The following PEG3 variants were observed in gnomAD, a reference collection of about 807,000 sequenced individuals.
PEG3 encodes paternally expressed 3, also known as paternally-expressed gene 3 protein.
Under a neutral mutation model 35.5 loss-of-function variants are expected in PEG3, and 23 were observed. The observed-to-expected ratio is 0.65, with a 90% CI of 0.47 to 0.92. The LOEUF is 0.92. PEG3 is among the 40% of genes least tolerant of loss of function. The pLI is 0.00. For missense variants in PEG3, 1,960 were observed against 1,985.3 expected (o/e 0.99, Z 0.24); for synonymous variants, 707 against 697.0 (o/e 1.01, Z -0.23).
intron 2 of PEG3, among the ~76,000 whole-genome samples, chr19:56,830,551 C>T (rs1358518012): frequency 2.0e-5 from 3 of 152,204 alleles, no homozygotes; most frequent in Non-Finnish European, 4.4e-5. Flanking sequence ...ACAGCTATAC[C>T]ACAACTACAA....
intron 2 of PEG3, among the ~76,000 whole-genome samples, chr19:56,826,829 C>G (rs994387965): frequency 3.3e-5 from 5 of 152,282 alleles, no homozygotes; most frequent in African/African-American, 9.6e-5. Flanking sequence ...ATCTGAGGCA[C>G]AGAGAGATAA....
intron 5 of PEG3, among the ~76,000 whole-genome samples, chr19:56,823,287 C>T (rs1344217891): frequency 6.6e-6 from 1 of 152,228 alleles, no homozygotes; most frequent in Non-Finnish European, 1.5e-5. Context: ...CTCACTGAAG[C>T]ATCTTTAATG....
intron 3 of PEG3, among the ~76,000 whole-genome samples, chr19:56,825,516 A>G (rs1420867760): frequency 6.6e-6 from 1 of 151,868 alleles, no homozygotes; most frequent in Non-Finnish European, 1.5e-5. Flanking sequence ...GCCCCCTTCC[A>G]TTTTTTAAAC....
rs866925840 is a variant in PEG3, at chr19:56,817,011, C to T, written c.1431G>A (p.Glu477=). ...AGGACTCACCATACTCATAGAGGTT[C>T]TCTCTAGTATGCATGATCTGGTGCT... is the stretch of plus-strand genomic sequence containing the variant. ...FVEHQIMHTR[E]NLYEYGESFI... Residue 477 remains glutamate, a synonymous_variant, in exon 10 of 10, where the codon GAG becomes GAA. Transcript: ENST00000326441. The T allele has an allele frequency of 1.2e-6, 2 of 1,613,910 alleles. No homozygotes were observed. The highest frequency in any genetic ancestry group is 1.1e-5 in the South Asian group (1 of 91,082).
In PEG3 at chr19:56,810,675, A is replaced by C. The variant is rs775519479; in HGVS notation, c.*3000T>G. ...ATTTAACCAAATTCCCACAATGACA[A>C]CACTATTTTAGTTATTTTCCACATC... is the stretch of plus-strand genomic sequence containing the variant. On this transcript the variant is annotated 3_prime_UTR_variant, in exon 10 of 10. Transcript: ENST00000326441. 9 of 969,752 alleles carry C rather than the reference A, an allele frequency of 9.3e-6. No individual in the cohort carries two copies. Among genetic ancestry groups the C allele is most frequent in the Non-Finnish European group, 9.8e-6 (8 of 815,668 alleles). 60.1% of individuals were successfully genotyped at this position (969,752 alleles called of 1,614,324 possible).
intron 8 of PEG3, 57 bp downstream of exon 8, chr19:56,818,543 G>C: frequency 6.3e-7 from 1 of 1,581,644 alleles, no homozygotes; most frequent in South Asian, 1.1e-5. Context: ...AAAGGAGCAA[G>C]ATGACAAAAT....
chr19:56,815,361 C>G lies in PEG3; in HGVS notation c.3081G>C (p.Glu1027Asp), dbSNP rs762269494. The change falls in exon 10 of 10, where the codon GAG (glutamate) becomes GAC (aspartate). Residue 1027 changes from glutamate (E) to aspartate (D), a missense_variant. Transcript: ENST00000326441. ...TSYAQEQYAKEQARNKCKDFR... is the reference protein window; with the variant it reads ...TSYAQEQYAKDQARNKCKDFR... ...AGTCCTTACATTTGTTCCGCGCTTG[C>G]TCTTTAGCATACTGCTCTTGGGCGT... 1 of 1,614,094 alleles carries G rather than the reference C, an allele frequency of 6.2e-7. No individual in the cohort carries two copies. The highest frequency in any genetic ancestry group is 1.7e-5 in the Admixed American group (1 of 60,006).
At chr19:56,836,857 A>T (rs2146659551) in intron 1 of PEG3, among the ~76,000 whole-genome samples, 1 of 151,484 alleles carries the variant, frequency 6.6e-6, no homozygotes, top group Non-Finnish European at 1.5e-5. Flanking sequence ...ATTCCCAGCT[A>T]CTCTGAAGAG....
Position 56,813,090 on chromosome 19 carries a change from A to T in PEG3, c.*585T>A, listed in dbSNP as rs1035016711. ...ACAAGACTATTTAAGGGTAAGAAAC[A>T]AAACAATTACTCAAAAAGATATTGA... On this transcript the variant is annotated 3_prime_UTR_variant, in exon 10 of 10. Transcript: ENST00000326441. 2.2e-5 allele frequency: 22 copies of T among 985,452 alleles called. No individual in the cohort carries two copies. The highest frequency in any genetic ancestry group is 2.7e-5 in the Non-Finnish European group (22 of 829,826). The allele number at this position is 985,452 out of a possible 1,614,324, so 61.0% of individuals were successfully genotyped here. A position where few individuals can be genotyped will look rare whatever the true frequency, so the allele number is the denominator to read the frequency against.
rs12980845 is a variant in PEG3 at position 56,811,481 on chromosome 19, T to A, written c.*2194A>T. The A allele has an allele frequency of 1.0e-6, 1 of 979,892 alleles. No individual in the cohort carries two copies. Among genetic ancestry groups the A allele is most frequent in the Admixed American group, 6.2e-5 (1 of 16,250 alleles). The allele number at this position is 979,892 out of a possible 1,614,324, so 60.7% of individuals were successfully genotyped here. On this transcript the variant is annotated 3_prime_UTR_variant, in exon 10 of 10. Transcript: ENST00000326441. ...CATTTTTAAACAGTTGCATTAAGTGTCCACAGATAGGTTTAAACAATCATT... is the reference window on the plus strand; with the variant it reads ...CATTTTTAAACAGTTGCATTAAGTGACCACAGATAGGTTTAAACAATCATT...
At chr19:56,832,787 C>T (rs978266921) in intron 2 of PEG3, among the ~76,000 whole-genome samples, 2 of 152,184 alleles carry the variant, frequency 1.3e-5, no homozygotes, top group African/African-American at 4.8e-5. Context: ...GTTTTCTTTA[C>T]ACTAGATGTC....
intron 1 of PEG3, among the ~76,000 whole-genome samples, chr19:56,838,548 C>G (rs188658185): frequency 6.6e-6 from 1 of 152,326 alleles, no homozygotes; most frequent in East Asian, 1.9e-4. Context: ...TGGAACCACA[C>G]GCATCCTGTG....
chr19:56,829,564 A>C lies in PEG3; in HGVS notation c.-162-3101T>G, dbSNP rs140173052. 6.7e-3 allele frequency among the ~76,000 whole-genome samples: 1,014 copies of C among 152,314 alleles called. 8 individuals are homozygous for C. The highest frequency in any genetic ancestry group is 0.011 in the Non-Finnish European group (739 of 68,024). On this transcript the variant is annotated intron_variant, in intron 2 of 9. Coordinates refer to ENST00000326441, the MANE Select transcript of PEG3 (RefSeq NM_006210.3). Reference sequence around the variant, plus strand: ...GTCCTAACACAAGTCACATTAGAGCAACCCAGAGCCAAAGGCAGGAAGAGG... The same window carrying C: ...GTCCTAACACAAGTCACATTAGAGCCACCCAGAGCCAAAGGCAGGAAGAGG...
intron 2 of PEG3, chr19:56,833,832 A>G (rs1893758584): frequency 6.5e-6 from 1 of 152,730 alleles, no homozygotes; most frequent in African/African-American, 2.4e-5. Flanking sequence ...CAAGGAGTAA[A>G]TGACCACCAA....
In PEG3 at chr19:56,824,710, G is replaced by A. The variant is rs904342890; in HGVS notation, c.-55C>T. The A allele has an allele frequency of 1.5e-5, 23 of 1,508,578 alleles. No individual in the cohort carries two copies. The Middle Eastern group carries it at 5.4e-4, about 35-fold the overall frequency. The allele number at this position is 1,508,578 out of a possible 1,614,324, so 93.4% of individuals were successfully genotyped here. ...CCAAACATGAGTCAACAGGAAAGACGCGGCAGCCTGTGACCGTCAGTACTC... is the reference window on the plus strand; with the variant it reads ...CCAAACATGAGTCAACAGGAAAGACACGGCAGCCTGTGACCGTCAGTACTC... On this transcript the variant is annotated 5_prime_UTR_variant, in exon 4 of 10. Transcript: ENST00000326441.
chr19:56,811,981 C>T lies in PEG3; in HGVS notation c.*1694G>A. ...GCTCTACAATCTTCCTAAACTTTGA[C>T]ACTCCCTGCATCTTTGACATACTTC... On this transcript the variant is annotated 3_prime_UTR_variant, in exon 10 of 10. Transcript: ENST00000326441. 1 of 985,386 alleles carries T rather than the reference C, an allele frequency of 1.0e-6. No individual in the cohort carries two copies. Among genetic ancestry groups the T allele is most frequent in the Non-Finnish European group, 1.2e-6 (1 of 829,936 alleles). 61.0% of individuals were successfully genotyped at this position (985,386 alleles called of 1,614,324 possible). A position where few individuals can be genotyped will look rare whatever the true frequency, so the allele number is the denominator to read the frequency against.
intron 7 of PEG3, among the ~76,000 whole-genome samples, chr19:56,820,539 G>C (rs1018473358): frequency 1.3e-5 from 2 of 152,282 alleles, no homozygotes; most frequent in Admixed American, 6.5e-5. Context: ...CCTTGGTTTG[G>C]TTCCCATCCC....
chr19:56,810,781 T>A lies in PEG3; in HGVS notation c.*2894A>T, dbSNP rs2048091705. The stretch of plus-strand genomic sequence containing the variant: ...ACTGAAACAAGATAGAGGAAACAGA[T>A]CAAGATGTTAGCAGTAGTTGTTAGG... On this transcript the variant is annotated 3_prime_UTR_variant, in exon 10 of 10. Coordinates refer to ENST00000326441, the MANE Select transcript of PEG3 (RefSeq NM_006210.3). The A allele has an allele frequency of 1.0e-6, 1 of 978,900 alleles. No individual in the cohort carries two copies. The highest frequency in any genetic ancestry group is 1.8e-5 in the African/African-American group (1 of 57,050). 60.6% of individuals were successfully genotyped at this position (978,900 alleles called of 1,614,324 possible). A position where few individuals can be genotyped will look rare whatever the true frequency, so the allele number is the denominator to read the frequency against.
chr19:56,813,348 G>C lies in PEG3; in HGVS notation c.*327C>G. 2 of 1,084,866 alleles carry C rather than the reference G, an allele frequency of 1.8e-6. No individual in the cohort carries two copies. Among genetic ancestry groups the C allele is most frequent in the Non-Finnish European group, 2.3e-6 (2 of 885,720 alleles). The allele number at this position is 1,084,866 out of a possible 1,614,324, so 67.2% of individuals were successfully genotyped here. ...ACACCTCATGAAACACTATATATAC[G>C]TTACACAAGTGTCATTTACAGTTGA... On this transcript the variant is annotated 3_prime_UTR_variant, in exon 10 of 10. Coordinates refer to ENST00000326441, the MANE Select transcript of PEG3 (RefSeq NM_006210.3).
Sources: gnomAD v4.1 joint callset for allele counts (sites outside exome capture counted in the v4.1 genomes callset) on GRCh38, gnomAD v4.1.1 for gene constraint, MANE v1.5 for transcripts, NCBI Gene and HGNC (gene_info 2026-07-23, HGNC 2026-07-21) for gene names.